NALF1: variants seen among roughly 807,000 people sequenced by gnomAD.
NALF1 encodes the protein NALCN channel auxiliary factor 1, also known as family with sequence similarity 155 member A.
Under a neutral mutation model 48.4 loss-of-function variants are expected in NALF1, and 3 were observed. The observed-to-expected ratio is 0.06, with a 90% CI of 0.03 to 0.16. The LOEUF is 0.16. Among genes scored for constraint, NALF1 ranks in the 10% least tolerant of loss-of-function variants. The pLI is 1.00. For missense variants in NALF1, 526 were observed against 571.5 expected, an observed-to-expected ratio of 0.92 and a Z score of 0.81; for synonymous variants, 262 against 245.7, an observed-to-expected ratio of 1.07 and a Z score of -0.62.
chr13:107,216,842 G>A (rs989974164), intron 1 of NALF1, among the ~76,000 whole-genome samples: 1 of 152,168 alleles, frequency 6.6e-6, no homozygotes, highest in Non-Finnish European at 1.5e-5. Context: ...GCCAATCAGG[G>A]TATGGCACCA....
intron 1 of NALF1, among the ~76,000 whole-genome samples, chr13:107,507,804 A>T (rs1875752766): frequency 1.3e-5 from 2 of 152,088 alleles, no homozygotes; most frequent in African/African-American, 4.8e-5. Flanking sequence ...TTGATAATTG[A>T]AGAGCCAAGT....
intron 1 of NALF1, among the ~76,000 whole-genome samples, chr13:107,562,566 A>G (rs970323714): frequency 3.3e-5 from 5 of 152,216 alleles, no homozygotes; most frequent in African/African-American, 1.2e-4. Flanking sequence ...TGAAAAAATC[A>G]GTTGATAAAT....
chr13:107,476,733 T>C (rs2139057140), intron 1 of NALF1, among the ~76,000 whole-genome samples: 1 of 152,182 alleles, frequency 6.6e-6, no homozygotes, highest in East Asian at 1.9e-4. Flanking sequence ...AGGTTGTGAT[T>C]ATAGATTTAT....
intron 1 of NALF1, among the ~76,000 whole-genome samples, chr13:107,364,918 TC>T (rs1883125342): frequency 9.1e-6 from 1 of 110,094 alleles, no homozygotes. Context: ...CCTCTCCCTC[TC>T]CCCTGCCCCC....
intron 1 of NALF1, among the ~76,000 whole-genome samples, chr13:107,276,991 C>T (rs991714074): frequency 1.6e-4 from 24 of 152,004 alleles, no homozygotes; most frequent in African/African-American, 4.3e-4. Context: ...TCCAAATTAA[C>T]AAAAATTACC....
chr13:107,617,690 G>C (rs1326483215), intron 1 of NALF1, among the ~76,000 whole-genome samples: 1 of 152,166 alleles, frequency 6.6e-6, no homozygotes, highest in East Asian at 1.9e-4. Flanking sequence ...AGCATAGGCA[G>C]GACAAGTGCA....
At chr13:107,839,653 T>A (rs1338976354) in intron 1 of NALF1, among the ~76,000 whole-genome samples, 1 of 150,970 alleles carries the variant, frequency 6.6e-6, no homozygotes, top group Non-Finnish European at 1.5e-5. Context: ...AATCCTGGGT[T>A]TAGAGTGGGG....
chr13:107,570,857 C>A (rs949091240), intron 1 of NALF1, among the ~76,000 whole-genome samples: 6 of 151,908 alleles, frequency 3.9e-5, no homozygotes, highest in African/African-American at 1.4e-4. Context: ...ATATCCTTTG[C>A]ACTAAATTTT....
rs567018752 is a variant in NALF1 at position 107,543,701 on chromosome 13, A to G, written c.915+321981T>C. Among the ~76,000 whole-genome samples the G allele has an allele frequency of 1.8e-4, 28 of 152,172 alleles. 2 individuals are homozygous for G. In the South Asian group the frequency reaches 5.6e-3, roughly 30 times the overall value. On this transcript the variant is annotated intron_variant, in intron 1 of 2. Coordinates refer to ENST00000375915, the MANE Select transcript of NALF1 (RefSeq NM_001080396.3). ...TATATATACGCGTATATACACGTAT[A>G]TATATACACACACACATACATACAT...
chr13:107,252,172 C>T (rs1017988915), intron 1 of NALF1, among the ~76,000 whole-genome samples: 15 of 152,152 alleles, frequency 9.9e-5, no homozygotes, highest in African/African-American at 1.2e-4. Flanking sequence ...ACACCCACCT[C>T]CAAGCCCAGT....
intron 1 of NALF1, among the ~76,000 whole-genome samples, chr13:107,681,007 GTTTT>G (rs989253490): frequency 6.6e-6 from 1 of 151,582 alleles, no homozygotes; most frequent in Non-Finnish European, 1.5e-5. Flanking sequence ...TTTTCTGCCT[GTTTT>G]TTTAAGTGCA....
At chr13:107,767,632 TAA>T (rs1877452254) in intron 1 of NALF1, among the ~76,000 whole-genome samples, 1 of 152,204 alleles carries the variant, frequency 6.6e-6, no homozygotes, top group Non-Finnish European at 1.5e-5. Flanking sequence ...TGGGATAGTA[TAA>T]AAGTTATCGG....
intron 1 of NALF1, among the ~76,000 whole-genome samples, chr13:107,467,935 C>T (rs1009495423): frequency 6.6e-6 from 1 of 151,676 alleles, no homozygotes; most frequent in African/African-American, 2.4e-5. Context: ...GTAGTCCCAG[C>T]TACTCGGGAG....
intron 1 of NALF1, among the ~76,000 whole-genome samples, chr13:107,628,850 C>T (rs144617500): frequency 6.6e-6 from 1 of 152,206 alleles, no homozygotes; most frequent in African/African-American, 2.4e-5. Context: ...ACATATTTAA[C>T]CAGGAATTAA....
chr13:107,299,435 CAATAATAAT>C (rs549026613), intron 1 of NALF1, among the ~76,000 whole-genome samples: 12 of 124,146 alleles, frequency 9.7e-5, no homozygotes, highest in African/African-American at 3.1e-4. Flanking sequence ...GACTTTGTCT[CAATAATAAT>C]AATAATAATA....
At chr13:107,275,428 ACAGT>A (rs66919281) in intron 1 of NALF1, among the ~76,000 whole-genome samples, 31,931 of 152,022 alleles carry the variant, frequency 0.21, 4,181 homozygotes, top group Non-Finnish European at 0.29. Context: ...CAATTAAAAC[ACAGT>A]CAATCAATTC....
intron 2 of NALF1, among the ~76,000 whole-genome samples, chr13:107,186,886 T>C (rs1879186216): frequency 6.6e-6 from 1 of 152,200 alleles, no homozygotes; most frequent in African/African-American, 2.4e-5. Flanking sequence ...TGGGATTTGA[T>C]TTTCCAAGCC....
intron 1 of NALF1, among the ~76,000 whole-genome samples, chr13:107,260,646 G>T (rs138358035): frequency 3.0e-4 from 45 of 152,130 alleles, no homozygotes; most frequent in Admixed American, 2.8e-3. Flanking sequence ...AACTTAGCAG[G>T]TCATGAAAAT....
At chr13:107,734,186 G>C (rs1003556383) in intron 1 of NALF1, among the ~76,000 whole-genome samples, 1 of 152,056 alleles carries the variant, frequency 6.6e-6, no homozygotes, top group Non-Finnish European at 1.5e-5. Flanking sequence ...TGTATATGCA[G>C]TCTGTCCCTG....
Sources: gnomAD v4.1 joint callset for allele counts (sites outside exome capture counted in the v4.1 genomes callset) on GRCh38, gnomAD v4.1.1 for gene constraint, MANE v1.5 for transcripts, NCBI Gene and HGNC (gene_info 2026-07-23, HGNC 2026-07-21) for gene names.